The following USP17L7 variants were observed in gnomAD, a reference collection of about 807,000 sequenced individuals.
The protein encoded by USP17L7 is inactive ubiquitin carboxyl-terminal hydrolase 17-like protein 7.
In USP17L7, 53 loss-of-function variants were observed where a neutral mutation model predicts 37.6. The observed-to-expected ratio is 1.41, with a 90% confidence interval of 1.13 to 1.77. The LOEUF (loss-of-function observed/expected upper bound fraction) is 1.77, where lower values mean the gene tolerates loss of function less well. Among genes scored for constraint, USP17L7 ranks in the 40% most tolerant of loss-of-function variants. USP17L7 has a pLI of 0.00. For missense variants in USP17L7, 914 were observed against 645.0 expected, an observed-to-expected ratio of 1.42 and a Z score of -4.52; for synonymous variants, 330 against 251.0, an observed-to-expected ratio of 1.31 and a Z score of -2.98.
Position 12,133,843 on chromosome 8 carries a change from G to T in USP17L7, c.167C>A (p.Ala56Asp), listed in dbSNP as rs541213317. ...GGGAGCAAGCTGTCTTGCCACAGGA[G>T]CCAAATCATCACAGAGGTCGAAACG... ...ETRFDLCDDL[A>D]PVARQLAPRE... Residue 56 changes from alanine (A) to aspartate (D), a missense_variant, in exon 1 of 1, where the codon GCT (alanine) becomes GAT (aspartate). By Grantham distance (126) the Ala-to-Asp change is moderately radical. Transcript: ENST00000530447. 1.3e-4 allele frequency: 204 copies of T among 1,528,320 alleles called. 18 individuals are homozygous for T. The African/African-American group carries it at 2.7e-3, about 20-fold the overall frequency. The allele number at this position is 1,528,320 out of a possible 1,614,324, so 94.7% of individuals were successfully genotyped here. A position where few individuals can be genotyped will look rare whatever the true frequency, so the allele number is the denominator to read the frequency against.
At position 12,133,384 on chromosome 8, in the gene USP17L7, T is replaced by A; in HGVS notation, c.626A>T (p.His209Leu). The A allele has an allele frequency of 6.8e-7, 1 of 1,460,500 alleles. No individual in the cohort carries two copies. Among genetic ancestry groups the A allele is most frequent in the Non-Finnish European group, 9.3e-7 (1 of 1,072,318 alleles). The allele number at this position is 1,460,500 out of a possible 1,614,324, so 90.5% of individuals were successfully genotyped here. The stretch of plus-strand genomic sequence containing the variant: ...AAAGGTGTCTGAAACGCCGTGGCAG[T>A]GGAGATACTTGATTTGAGATCTCCA... ...AYWRSQIKYL[H>L]CHGVSDTFDP... Residue 209 changes from histidine to leucine, a missense_variant, in exon 1 of 1, where the codon CAC becomes CTC. Transcript: ENST00000530447.
rs779029740 is a variant in USP17L7, at chr8:12,133,146, G to C, written c.864C>G (p.Gly288=). 1 of 1,509,472 alleles carries C rather than the reference G, an allele frequency of 6.6e-7. No individual in the cohort carries two copies. The highest frequency in any genetic ancestry group is 1.7e-5 in the Admixed American group (1 of 57,334). 93.5% of individuals were successfully genotyped at this position (1,509,472 alleles called of 1,614,324 possible). A position where few individuals can be genotyped will look rare whatever the true frequency, so the allele number is the denominator to read the frequency against. Reference sequence around the variant, plus strand: ...ATTGCACATTCTTGGCAAGTTTGTTGCCTGTGACATCGGAGAATCTCTTCA... The same window carrying C: ...ATTGCACATTCTTGGCAAGTTTGTTCCCTGTGACATCGGAGAATCTCTTCA... The part of the protein sequence containing the change: ...LVLKRFSDVT[G]NKLAKNVQYP... Residue 288 remains glycine (G), a synonymous_variant, in exon 1 of 1, where the codon GGC becomes GGG. Transcript: ENST00000530447.
rs764862476 is a variant in USP17L7 at position 12,133,672 on chromosome 8, T to C, written c.338A>G (p.Asp113Gly). The C allele has an allele frequency of 1.1e-5, 14 of 1,243,298 alleles. 1 individual carries two copies. Among genetic ancestry groups the C allele is most frequent in the South Asian group, 2.7e-5 (2 of 74,148 alleles). 77.0% of individuals were successfully genotyped at this position (1,243,298 alleles called of 1,614,324 possible). A position where few individuals can be genotyped will look rare whatever the true frequency, so the allele number is the denominator to read the frequency against. Residue 113 changes from aspartate to glycine, a missense_variant, in exon 1 of 1, where the codon GAC (aspartate) becomes GGC (glycine). Physicochemically the swap from Asp to Gly is moderately conservative, Grantham distance 94. Coordinates refer to ENST00000530447, the MANE Select transcript of USP17L7 (RefSeq NM_001256869.2). ...CTTGTGAAGATGACACGTTTGAGAG[T>C]CCTCCCGGGACAGCATGTAGTTGGA... ...PLSNYMLSRE[D>G]SQTCHLHKCC...
At position 12,133,023 on chromosome 8, in the gene USP17L7, A is replaced by T; in HGVS notation, c.987T>A (p.Ser329Arg). The T allele has an allele frequency of 2.0e-6, 3 of 1,527,510 alleles. 1 individual carries two copies. The highest frequency in any genetic ancestry group is 2.7e-6 in the Non-Finnish European group (3 of 1,124,534). The allele number at this position is 1,527,510 out of a possible 1,614,324, so 94.6% of individuals were successfully genotyped here. A position where few individuals can be genotyped will look rare whatever the true frequency, so the allele number is the denominator to read the frequency against. ...AAGAGAAGTAATGTCCGTTGTGACA[A>T]CTCCACCCAGCGTGGACCAGCACAG... ...LYAVLVHAGW[S>R]CHNGHYFSYV... The change falls in exon 1 of 1, where the codon AGT becomes AGA. Residue 329 changes from serine (S) to arginine (R), a missense_variant. Ser to Arg is a moderately radical substitution (Grantham distance 110). Transcript: ENST00000530447.
At position 12,133,153 on chromosome 8, in the gene USP17L7, A is replaced by G. The variant is rs777603114; in HGVS notation, c.857T>C (p.Val286Ala). 2.6e-6 allele frequency: 4 copies of G among 1,510,594 alleles called. No individual in the cohort carries two copies. The Admixed American group carries it at 7.0e-5, about 26-fold the overall frequency. The allele number at this position is 1,510,594 out of a possible 1,614,324, so 93.6% of individuals were successfully genotyped here. Residue 286 changes from valine to alanine, a missense_variant, in exon 1 of 1, where the codon GTC becomes GCC. Physicochemically the swap from Val to Ala is moderately conservative, Grantham distance 64 (BLOSUM62 0). Transcript: ENST00000530447. ...ATTCTTGGCAAGTTTGTTGCCTGTG[A>G]CATCGGAGAATCTCTTCAATACAAG... ...LILVLKRFSD[V>A]TGNKLAKNVQ...
At position 12,132,733 on chromosome 8, in the gene USP17L7, T is replaced by C; in HGVS notation, c.1277A>G (p.Glu426Gly). 6.5e-7 allele frequency: 1 copy of C among 1,539,738 alleles called. No homozygotes were observed. Among genetic ancestry groups the C allele is most frequent in the Non-Finnish European group, 8.8e-7 (1 of 1,134,418 alleles). ...QVPELDEHLVERATQESTLDH... is the reference protein window; with the variant it reads ...QVPELDEHLVGRATQESTLDH... Reference sequence around the variant, plus strand: ...TAAGGTGCTTTCCTGAGTGGCTCTTTCCACCAAGTGCTCGTCCAACTCGGG... The same window carrying C: ...TAAGGTGCTTTCCTGAGTGGCTCTTCCCACCAAGTGCTCGTCCAACTCGGG... The change falls in exon 1 of 1, where the codon GAA (glutamate) becomes GGA (glycine). Residue 426 changes from glutamate (E) to glycine (G), a missense_variant. Transcript: ENST00000530447.
Position 12,133,254 on chromosome 8 carries a change from A to T in USP17L7, c.756T>A (p.Tyr252Ter), listed in dbSNP as rs1459799043. ...KPKELNGENA[Y>*]HCGLCLQKAP... ...CCTTCTGGAGACAAAGACCACAATG[A>T]TAGGCATTCTCTCCATTGAGTTCTT... The change falls in exon 1 of 1, where the codon TAT becomes TAA. Residue 252 changes from tyrosine to a stop codon, truncating the protein, a stop_gained. Coordinates refer to ENST00000530447, the MANE Select transcript of USP17L7 (RefSeq NM_001256869.2). LOFTEE classifies it high-confidence loss of function. 6 of 1,511,692 alleles carry T rather than the reference A, an allele frequency of 4.0e-6. 1 individual carries two copies. Among genetic ancestry groups the T allele is most frequent in the African/African-American group, 2.8e-5 (2 of 71,752 alleles). The allele number at this position is 1,511,692 out of a possible 1,614,324, so 93.6% of individuals were successfully genotyped here.
At position 12,133,868 on chromosome 8, in the gene USP17L7, G is replaced by A. The variant is rs760803537; in HGVS notation, c.142C>T (p.Arg48Cys). Residue 48 changes from arginine to cysteine, a missense_variant, in exon 1 of 1, where the codon CGT (arginine) becomes TGT (cysteine). Physicochemically the swap from Arg to Cys is radical, Grantham distance 180. Coordinates refer to ENST00000530447, the MANE Select transcript of USP17L7 (RefSeq NM_001256869.2). The stretch of plus-strand genomic sequence containing the variant: ...GCCAAATCATCACAGAGGTCGAAAC[G>A]GGTCTCAGATGAGAGTGGTGACTTT... ...SEKSPLSSET[R>C]FDLCDDLAPV... 37 of 1,521,050 alleles carry A rather than the reference G, an allele frequency of 2.4e-5. 5 individuals carry two copies. The highest frequency in any genetic ancestry group is 7.0e-5 in the Admixed American group (4 of 57,280). 94.2% of individuals were successfully genotyped at this position (1,521,050 alleles called of 1,614,324 possible).
chr8:12,133,684 A>C lies in USP17L7; in HGVS notation c.326T>G (p.Leu109Arg). 1 of 1,257,628 alleles carries C rather than the reference A, an allele frequency of 8.0e-7. No individual in the cohort carries two copies. Among genetic ancestry groups the C allele is most frequent in the Non-Finnish European group, 1.1e-6 (1 of 880,622 alleles). The allele number at this position is 1,257,628 out of a possible 1,614,324, so 77.9% of individuals were successfully genotyped here. A position where few individuals can be genotyped will look rare whatever the true frequency, so the allele number is the denominator to read the frequency against. Residue 109 changes from leucine (L) to arginine (R), a missense_variant, in exon 1 of 1, where the codon CTG (leucine) becomes CGG (arginine). Transcript: ENST00000530447. ...ACACGTTTGAGAGTCCTCCCGGGAC[A>C]GCATGTAGTTGGAAAGCGGCAGTGT... ...TYTLPLSNYMLSREDSQTCHL... is the reference protein window; with the variant it reads ...TYTLPLSNYMRSREDSQTCHL...
chr8:12,132,747 G>T lies in USP17L7; in HGVS notation c.1263C>A (p.Asp421Glu), dbSNP rs191378034. 1.6e-5 allele frequency: 24 copies of T among 1,530,746 alleles called. 3 individuals are homozygous for T. Among genetic ancestry groups the T allele is most frequent in the Non-Finnish European group, 2.1e-5 (24 of 1,126,756 alleles). The allele number at this position is 1,530,746 out of a possible 1,614,324, so 94.8% of individuals were successfully genotyped here. ...DHPCLQVPEL[D>E]EHLVERATQE... Reference sequence around the variant, plus strand: ...GAGTGGCTCTTTCCACCAAGTGCTCGTCCAACTCGGGTACCTGGAGGCAAG... The same window carrying T: ...GAGTGGCTCTTTCCACCAAGTGCTCTTCCAACTCGGGTACCTGGAGGCAAG... Residue 421 changes from aspartate to glutamate, a missense_variant, in exon 1 of 1, where the codon GAC becomes GAA. Transcript: ENST00000530447.
chr8:12,133,457 G>A lies in USP17L7; in HGVS notation c.553C>T (p.His185Tyr). 3 of 1,469,532 alleles carry A rather than the reference G, an allele frequency of 2.0e-6. No homozygotes were observed. Among genetic ancestry groups the A allele is most frequent in the Non-Finnish European group, 2.8e-6 (3 of 1,078,238 alleles). 91.0% of individuals were successfully genotyped at this position (1,469,532 alleles called of 1,614,324 possible). ...ATGAGGGTGGTGTCCTTGGAGTGAT[G>A]ATCTAGCTGCTTGTGCCCGGGAAGG... The part of the protein sequence containing the change: ...ACLPGHKQLD[H>Y]HSKDTTLIHQ... Residue 185 changes from histidine to tyrosine, a missense_variant, in exon 1 of 1, where the codon CAT (histidine) becomes TAT (tyrosine). His to Tyr is a moderately conservative substitution (Grantham distance 83). Coordinates refer to ENST00000530447, the MANE Select transcript of USP17L7 (RefSeq NM_001256869.2).
rs1278985324 is a variant in USP17L7 at position 12,133,526 on chromosome 8, G to C, written c.484C>G (p.His162Asp). 6.1e-6 allele frequency: 9 copies of C among 1,464,412 alleles called. No individual in the cohort carries two copies. Among genetic ancestry groups the C allele is most frequent in the Non-Finnish European group, 9.3e-7 (1 of 1,070,448 alleles). The allele number at this position is 1,464,412 out of a possible 1,614,324, so 90.7% of individuals were successfully genotyped here. A position where few individuals can be genotyped will look rare whatever the true frequency, so the allele number is the denominator to read the frequency against. ...GFHRGEQEDAHEFLMFTVDAM... is the reference protein window; with the variant it reads ...GFHRGEQEDADEFLMFTVDAM... The stretch of plus-strand genomic sequence containing the variant: ...TCCACAGTAAACATGAGAAATTCAT[G>C]GGCATCCTCCTGCTCACCTCTATGG... Residue 162 changes from histidine to aspartate, a missense_variant, in exon 1 of 1, where the codon CAT becomes GAT. By Grantham distance (81) the His-to-Asp change is moderately conservative (BLOSUM62 -1). Transcript: ENST00000530447.
At position 12,133,335 on chromosome 8, in the gene USP17L7, C is replaced by G. The variant is rs1424360928; in HGVS notation, c.675G>C (p.Leu225=). 4 of 1,500,646 alleles carry G rather than the reference C, an allele frequency of 2.7e-6. No individual in the cohort carries two copies. The highest frequency in any genetic ancestry group is 3.6e-6 in the Non-Finnish European group (4 of 1,107,410). 93.0% of individuals were successfully genotyped at this position (1,500,646 alleles called of 1,614,324 possible). The change falls in exon 1 of 1, where the codon CTG becomes CTC. Residue 225 remains leucine, a synonymous_variant. Coordinates refer to ENST00000530447, the MANE Select transcript of USP17L7 (RefSeq NM_001256869.2). ...DTFDPYLDIA[L]DIQAAQSVKQ... ...TGACACTCTGAGCTGCCTGGATATC[C>G]AGGGCGATGTCCAGGTAAGGGTCAA...
rs767388919 is a variant in USP17L7 at position 12,133,974 on chromosome 8, C to T, written c.36G>A (p.Trp12Ter). ...EDDSLYLGGD[W>*]QFNHFSKLTS... is the part of the protein sequence containing the mutation. Reference sequence around the variant, plus strand: ...TGAGTTTTGAAAAGTGATTGAACTGCCAGTCACCTCCCAAATAGAGTGAGT... The same window carrying T: ...TGAGTTTTGAAAAGTGATTGAACTGTCAGTCACCTCCCAAATAGAGTGAGT... Residue 12 changes from tryptophan (W) to a stop codon, truncating the protein, a stop_gained, in exon 1 of 1, where the codon TGG (tryptophan) becomes TGA (stop). Transcript: ENST00000530447. LOFTEE classifies it high-confidence loss of function. The T allele has an allele frequency of 7.8e-6, 9 of 1,147,108 alleles. 2 individuals are homozygous for T. The highest frequency in any genetic ancestry group is 3.1e-5 in the African/African-American group (2 of 65,498). The allele number at this position is 1,147,108 out of a possible 1,614,324, so 71.1% of individuals were successfully genotyped here.
At position 12,132,951 on chromosome 8, in the gene USP17L7, C is replaced by G. The variant is rs574433245; in HGVS notation, c.1059G>C (p.Glu353Asp). The G allele has an allele frequency of 6.5e-7, 1 of 1,529,812 alleles. No homozygotes were observed. Among genetic ancestry groups the G allele is most frequent in the South Asian group, 1.2e-5 (1 of 81,026 alleles). The allele number at this position is 1,529,812 out of a possible 1,614,324, so 94.8% of individuals were successfully genotyped here. ...CAGAGGTGATGCCAGAGGCAGTGAC[C>G]TCGGCATCATCCATTTTATACCACT... ...EGQWYKMDDA[E>D]VTASGITSVL... The change falls in exon 1 of 1, where the codon GAG becomes GAC. Residue 353 changes from glutamate to aspartate, a missense_variant. Coordinates refer to ENST00000530447, the MANE Select transcript of USP17L7 (RefSeq NM_001256869.2).
rs573797037 is a variant in USP17L7 at position 12,133,939 on chromosome 8, C to T, written c.71G>A (p.Arg24Gln). 196 of 1,382,256 alleles carry T rather than the reference C, an allele frequency of 1.4e-4. 8 individuals carry two copies. The highest frequency in any genetic ancestry group is 2.7e-4 in the East Asian group (10 of 37,612). The allele number at this position is 1,382,256 out of a possible 1,614,324, so 85.6% of individuals were successfully genotyped here. A position where few individuals can be genotyped will look rare whatever the true frequency, so the allele number is the denominator to read the frequency against. ...FNHFSKLTSS[R>Q]LDAAFAEIQR... ...GATTTCAGCAAAAGCTGCATCTAGC[C>T]GAGAAGATGTGAGTTTTGAAAAGTG... is the stretch of plus-strand genomic sequence containing the variant. The change falls in exon 1 of 1, where the codon CGG becomes CAG. Residue 24 changes from arginine (R) to glutamine (Q), a missense_variant. By Grantham distance (43) the Arg-to-Gln change is conservative (BLOSUM62 1). Coordinates refer to ENST00000530447, the MANE Select transcript of USP17L7 (RefSeq NM_001256869.2).
rs1217476749 is a variant in USP17L7 at position 12,132,486 on chromosome 8, C to T, written c.1524G>A (p.Leu508=). 3.4e-6 allele frequency: 5 copies of T among 1,462,174 alleles called. No homozygotes were observed. In the South Asian group the frequency reaches 5.1e-5, roughly 15 times the overall value. 90.6% of individuals were successfully genotyped at this position (1,462,174 alleles called of 1,614,324 possible). A position where few individuals can be genotyped will look rare whatever the true frequency, so the allele number is the denominator to read the frequency against. The change falls in exon 1 of 1, where the codon CTG becomes CTA. Residue 508 remains leucine, a synonymous_variant. Transcript: ENST00000530447. ...ESMNTGTLAS[L]QGSTRRSKGN... ...CTTTGGATCTCCTGGTGCTCCCTTG[C>T]AGAGAAGCGAGTGTGCCAGTGTTCA...
rs56195358 is a variant in USP17L7, at chr8:12,133,910, G to T, written c.100C>A (p.Arg34=). The change falls in exon 1 of 1, where the codon CGG becomes AGG. Residue 34 remains arginine (R), a synonymous_variant. Transcript: ENST00000530447. ...RLDAAFAEIQ[R]TSLSEKSPLS... ...GGTGACTTTTCAGAGAGAGAAGTCC[G>T]CTGGATTTCAGCAAAAGCTGCATCT... 1.4e-6 allele frequency: 2 copies of T among 1,458,626 alleles called. No homozygotes were observed. Among genetic ancestry groups the T allele is most frequent in the South Asian group, 2.5e-5 (2 of 79,126 alleles). 90.4% of individuals were successfully genotyped at this position (1,458,626 alleles called of 1,614,324 possible).
chr8:12,133,548 A>T lies in USP17L7; in HGVS notation c.462T>A (p.His154Gln), dbSNP rs1372807046. 3 of 1,430,350 alleles carry T rather than the reference A, an allele frequency of 2.1e-6. No individual in the cohort carries two copies. The highest frequency in any genetic ancestry group is 1.4e-5 in the African/African-American group (1 of 69,982). The allele number at this position is 1,430,350 out of a possible 1,614,324, so 88.6% of individuals were successfully genotyped here. Residue 154 changes from histidine (H) to glutamine (Q), a missense_variant, in exon 1 of 1, where the codon CAT (histidine) becomes CAA (glutamine). His to Gln is a conservative substitution (Grantham distance 24, BLOSUM62 0). Coordinates refer to ENST00000530447, the MANE Select transcript of USP17L7 (RefSeq NM_001256869.2). ...CATGGGCATCCTCCTGCTCACCTCT[A>T]TGGAAGCCAGCAGCCAATACCTGTG... ...QPSQVLAAGF[H>Q]RGEQEDAHEF... is the part of the protein sequence containing the mutation.
Sources: gnomAD v4.1 joint callset for allele counts on GRCh38, gnomAD v4.1.1 for gene constraint, MANE v1.5 for transcripts, NCBI Gene and HGNC (gene_info 2026-07-23, HGNC 2026-07-21) for gene names.